The following CXADR variants were observed in gnomAD, a reference collection of about 807,000 sequenced individuals.
CXADR encodes the protein CXADR cell adhesion molecule.
Under a neutral mutation model 40.3 loss-of-function variants are expected in CXADR, and 20 were observed. The observed-to-expected ratio is 0.50, with a 90% confidence interval of 0.35 to 0.72. The LOEUF is 0.72. Among genes scored for constraint, CXADR ranks in the 30% least tolerant of loss-of-function variants. The pLI is 0.01. For synonymous variants in CXADR, 150 were observed against 161.3 expected (o/e 0.93, Z 0.53); for missense variants, 332 against 449.1 (o/e 0.74, Z 2.36).
chr21:17,625,262 A>T, the CXADR span, among the ~76,000 whole-genome samples: 2 of 151,884 alleles, frequency 1.3e-5, no homozygotes, highest in Admixed American at 1.3e-4. Flanking sequence ...GAATACCATT[A>T]GTTTGTCAAA....
At position 17,560,781 on chromosome 21, in the gene CXADR, A is replaced by C. The variant is rs1453925319; in HGVS notation, c.651A>C (p.Arg217Ser). The C allele has an allele frequency of 6.2e-7, 1 of 1,614,032 alleles. No individual in the cohort carries two copies. The highest frequency in any genetic ancestry group is 1.7e-5 in the Admixed American group (1 of 60,018). ...CATACAGCTGTACAGTCAGAAACAG[A>C]GTGGGCTCTGATCAGTGCCTGTTGC... ...SGTYSCTVRNRVGSDQCLLRL... is the reference protein window; with the variant it reads ...SGTYSCTVRNSVGSDQCLLRL... The change falls in exon 5 of 7, where the codon AGA becomes AGC. Residue 217 changes from arginine (R) to serine (S), a missense_variant. Arg to Ser is a moderately radical substitution (Grantham distance 110). Coordinates refer to ENST00000284878, the MANE Select transcript of CXADR (RefSeq NM_001338.5).
rs2061231177 is a variant in CXADR, at chr21:17,567,851, G to A, written c.*2159G>A. ...TATCATAGAAAGTGGACACGTATAA[G>A]ACTTTCCTTCCTTTTTTTTTTTAAT... On this transcript the variant is annotated 3_prime_UTR_variant, in exon 7 of 7. Coordinates refer to ENST00000284878, the MANE Select transcript of CXADR (RefSeq NM_001338.5). The A allele has an allele frequency of 2.1e-6, 2 of 944,502 alleles. No homozygotes were observed. The highest frequency in any genetic ancestry group is 1.2e-6 in the Non-Finnish European group (1 of 800,924). The allele number at this position is 944,502 out of a possible 1,614,324, so 58.5% of individuals were successfully genotyped here. A position where few individuals can be genotyped will look rare whatever the true frequency, so the allele number is the denominator to read the frequency against.
intron 1 of CXADR, among the ~76,000 whole-genome samples, chr21:17,518,304 C>A (rs2060486717): frequency 1.3e-5 from 2 of 152,088 alleles, no homozygotes; most frequent in Admixed American, 1.3e-4. Context: ...CCAGAACACC[C>A]TCAAACTGCA....
Position 17,565,812 on chromosome 21 carries a change from GGAA to G in CXADR, c.*121_*123del. On this transcript the variant is annotated 3_prime_UTR_variant, in exon 7 of 7. Transcript: ENST00000284878. ...AATACATCAAAAAATAAGTTAATCAGGAACTGTACGGAATATATTTTTAAAAAT... is the reference window on the plus strand; with the variant it reads ...AATACATCAAAAAATAAGTTAATCAGCTGTACGGAATATATTTTTAAAAAT... 1 of 1,432,124 alleles carries G rather than the reference GGAA, an allele frequency of 7.0e-7. No homozygotes were observed. Among genetic ancestry groups the G allele is most frequent in the Non-Finnish European group, 9.2e-7 (1 of 1,092,220 alleles). 88.7% of individuals were successfully genotyped at this position (1,432,124 alleles called of 1,614,324 possible). A position where few individuals can be genotyped will look rare whatever the true frequency, so the allele number is the denominator to read the frequency against.
intron 1 of CXADR, among the ~76,000 whole-genome samples, chr21:17,524,732 C>T (rs1476462903): frequency 6.6e-6 from 1 of 151,664 alleles, no homozygotes; most frequent in East Asian, 1.9e-4. Context: ...ACAAAAAATA[C>T]AAAAATTAGC....
chr21:17,566,846 C>T lies in CXADR; in HGVS notation c.*1154C>T, dbSNP rs2061215284. Reference sequence around the variant, plus strand: ...TGTATTCCAGACTTGGGAGGATGTACAGTTGCTGTTGTGTGATCAAACATG... The same window carrying T: ...TGTATTCCAGACTTGGGAGGATGTATAGTTGCTGTTGTGTGATCAAACATG... On this transcript the variant is annotated 3_prime_UTR_variant, in exon 7 of 7. Transcript: ENST00000284878. 2 of 980,344 alleles carry T rather than the reference C, an allele frequency of 2.0e-6. No homozygotes were observed. Among genetic ancestry groups the T allele is most frequent in the Non-Finnish European group, 2.4e-6 (2 of 825,974 alleles). The allele number at this position is 980,344 out of a possible 1,614,324, so 60.7% of individuals were successfully genotyped here.
chr21:17,518,891 C>G, intron 1 of CXADR: 1 of 1,573,760 alleles, frequency 6.4e-7, no homozygotes, highest in Non-Finnish European at 8.7e-7. Flanking sequence ...AGCTTTTTGT[C>G]ATCAGCCATG....
chr21:17,517,325 C>T (rs1165906466), intron 1 of CXADR, among the ~76,000 whole-genome samples: 3 of 152,154 alleles, frequency 2.0e-5, no homozygotes, highest in Admixed American at 6.5e-5. Flanking sequence ...TTTACCAGTG[C>T]TCCCCCCAAA....
intron 3 of CXADR, among the ~76,000 whole-genome samples, chr21:17,555,072 G>A (rs2061016786): frequency 6.6e-6 from 1 of 152,192 alleles, no homozygotes; most frequent in Non-Finnish European, 1.5e-5. Context: ...CAGTAAAGAA[G>A]CAGAAGTGGG....
chr21:17,518,983 T>C, intron 1 of CXADR: 2 of 1,608,692 alleles, frequency 1.2e-6, no homozygotes, highest in Non-Finnish European at 1.7e-6. Flanking sequence ...GGCTAACTTT[T>C]CTTGATTCAT....
intron 1 of CXADR, among the ~76,000 whole-genome samples, chr21:17,542,373 C>G (rs542656989): frequency 6.6e-6 from 1 of 152,310 alleles, no homozygotes; most frequent in East Asian, 1.9e-4. Flanking sequence ...CTTCCATTCT[C>G]TCCAGTTTGC....
chr21:17,566,803 A>T lies in CXADR; in HGVS notation c.*1111A>T. On this transcript the variant is annotated 3_prime_UTR_variant, in exon 7 of 7. Coordinates refer to ENST00000284878, the MANE Select transcript of CXADR (RefSeq NM_001338.5). ...AATCAAATACATTTTAAGCAAGTTA[A>T]GTGTCCTCCATCAATTCTGTATTCC... 1.0e-6 allele frequency: 1 copy of T among 965,516 alleles called. No homozygotes were observed. The highest frequency in any genetic ancestry group is 1.2e-6 in the Non-Finnish European group (1 of 811,884). 59.8% of individuals were successfully genotyped at this position (965,516 alleles called of 1,614,324 possible). A position where few individuals can be genotyped will look rare whatever the true frequency, so the allele number is the denominator to read the frequency against.
At chr21:17,576,817 A>C (rs977566477) in intron 7 of CXADR, 1 of 152,136 alleles carries the variant, frequency 6.6e-6, no homozygotes, top group Non-Finnish European at 1.5e-5. Context: ...AAAGATAGTG[A>C]GTTATCTCCA....
At chr21:17,627,397 A>G in the CXADR span, among the ~76,000 whole-genome samples, 2 of 152,172 alleles carry the variant, frequency 1.3e-5, no homozygotes. Flanking sequence ...AAGATGTGTA[A>G]TAAATGGGTT....
chr21:17,592,727 A>G (rs1274031266), intron 7 of CXADR, among the ~76,000 whole-genome samples: 1 of 151,926 alleles, frequency 6.6e-6, no homozygotes, highest in African/African-American at 2.4e-5. Flanking sequence ...TCATGTTTGA[A>G]TAGGCAGTCA....
intron 1 of CXADR, among the ~76,000 whole-genome samples, chr21:17,540,840 T>C (rs2060817652): frequency 6.6e-6 from 1 of 152,250 alleles, no homozygotes; most frequent in Non-Finnish European, 1.5e-5. Context: ...TTTGCCAAGA[T>C]TGGCCTTATT....
At chr21:17,593,759 C>T (rs2061466015), downstream of CXADR, 2 of 209,036 alleles carry the variant, frequency 9.6e-6, no homozygotes, top group Admixed American at 5.7e-5. Context: ...ACATACGCTC[C>T]ATAAAGTAAA....
At chr21:17,580,419 G>C (rs1341358939) in intron 7 of CXADR, among the ~76,000 whole-genome samples, 1 of 152,148 alleles carries the variant, frequency 6.6e-6, no homozygotes, top group Non-Finnish European at 1.5e-5. Flanking sequence ...AGGAGTTGGA[G>C]ACCAGCCTGG....
intron 1 of CXADR, among the ~76,000 whole-genome samples, chr21:17,539,596 C>G (rs2123212166): frequency 6.6e-6 from 1 of 152,278 alleles, no homozygotes; most frequent in South Asian, 2.1e-4. Flanking sequence ...AATGCCTGTT[C>G]CACAGGTTTT....
Sources: allele counts gnomAD v4.1 joint callset (sites outside exome capture counted in the v4.1 genomes callset), GRCh38; gene constraint gnomAD v4.1.1; transcripts MANE v1.5; gene names NCBI Gene and HGNC (gene_info 2026-07-23, HGNC 2026-07-21).